The following ACOXL variants were observed in gnomAD, a reference collection of about 807,000 sequenced individuals.
ACOXL encodes the protein acyl-CoA oxidase like.
ACOXL carries 70 observed loss-of-function variants against 71.9 expected under a neutral mutation model. The observed-to-expected ratio is 0.97, with a 90% CI of 0.80 to 1.19. The LOEUF (loss-of-function observed/expected upper bound fraction) is 1.19, where lower values mean the gene tolerates loss of function less well. ACOXL is among the 50% of genes most tolerant of loss of function. ACOXL has a pLI of 0.00. For missense variants in ACOXL, 703 were observed against 736.3 expected (o/e 0.95, Z 0.52); for synonymous variants, 253 against 281.6 (o/e 0.90, Z 1.02).
At chr2:110,772,971 T>G (rs1272660040) in intron 2 of ACOXL, among the ~76,000 whole-genome samples, 2 of 152,192 alleles carry the variant, frequency 1.3e-5, no homozygotes, top group Non-Finnish European at 1.5e-5. Flanking sequence ...AAATTATGAC[T>G]ATTTTTCATA....
intron 5 of ACOXL, among the ~76,000 whole-genome samples, chr2:110,798,055 A>G (rs1466044124): frequency 6.6e-6 from 1 of 152,166 alleles, no homozygotes; most frequent in African/African-American, 2.4e-5. Flanking sequence ...TCTGGATCAG[A>G]TTATTCCTTG....
At chr2:110,826,378 T>G (rs551011099) in intron 9 of ACOXL, among the ~76,000 whole-genome samples, 3 of 152,224 alleles carry the variant, frequency 2.0e-5, no homozygotes, top group Non-Finnish European at 2.9e-5. Flanking sequence ...TTAGGCAAGA[T>G]AGCATGTTCT....
At chr2:110,803,020 C>T (rs1024388416) in intron 8 of ACOXL, among the ~76,000 whole-genome samples, 6 of 151,842 alleles carry the variant, frequency 4.0e-5, no homozygotes, top group Non-Finnish European at 8.8e-5. Flanking sequence ...TGTCAATTAA[C>T]AAAATAAAGC....
chr2:110,792,845 T>C (rs2105254948), intron 3 of ACOXL, among the ~76,000 whole-genome samples: 1 of 152,218 alleles, frequency 6.6e-6, no homozygotes, highest in South Asian at 2.1e-4. Flanking sequence ...AAGCAAAGGC[T>C]TGGTGGTTGA....
intron 3 of ACOXL, among the ~76,000 whole-genome samples, chr2:110,790,712 A>C (rs1376083226): frequency 2.1e-4 from 32 of 152,100 alleles, no homozygotes; most frequent in Admixed American, 2.0e-3. Flanking sequence ...GGAGAACCAC[A>C]GTGTCCTCTC....
intron 1 of ACOXL, among the ~76,000 whole-genome samples, chr2:110,736,332 A>G (rs1422320093): frequency 6.6e-6 from 1 of 152,150 alleles, no homozygotes; most frequent in African/African-American, 2.4e-5. Flanking sequence ...CAGCTCCAAA[A>G]CATTTCATCA....
At chr2:111,041,253 C>G (rs2065766638) in intron 15 of ACOXL, among the ~76,000 whole-genome samples, 1 of 152,110 alleles carries the variant, frequency 6.6e-6, no homozygotes, top group Non-Finnish European at 1.5e-5. Flanking sequence ...AGGTCCTGAG[C>G]CTGAGCACTA....
chr2:110,838,892 G>C (rs1014362318), intron 9 of ACOXL, among the ~76,000 whole-genome samples: 6 of 152,338 alleles, frequency 3.9e-5, no homozygotes, highest in Admixed American at 3.3e-4. Context: ...TTCATGCAGA[G>C]GCCTGCCAGG....
chr2:110,921,089 G>A (rs72944231), intron 11 of ACOXL, among the ~76,000 whole-genome samples: 6,218 of 152,022 alleles, frequency 0.041, 225 homozygotes, highest in African/African-American at 0.083. Flanking sequence ...AATTTATGGC[G>A]ATAGTGTTGG....
At chr2:110,911,415 TA>T (rs1417243022) in intron 11 of ACOXL, among the ~76,000 whole-genome samples, 2 of 151,966 alleles carry the variant, frequency 1.3e-5, no homozygotes, top group Non-Finnish European at 2.9e-5. Flanking sequence ...GCAAAGACAT[TA>T]GAAGAAAACT....
intron 12 of ACOXL, among the ~76,000 whole-genome samples, chr2:110,954,842 A>G (rs763750697): frequency 2.6e-5 from 4 of 152,138 alleles, no homozygotes; most frequent in Non-Finnish European, 4.4e-5. Flanking sequence ...TTTTGTCTGA[A>G]TCTGTCTGTT....
chr2:110,864,751 T>G (rs1233195947), intron 10 of ACOXL, among the ~76,000 whole-genome samples: 1 of 152,242 alleles, frequency 6.6e-6, no homozygotes, highest in African/African-American at 2.4e-5. Flanking sequence ...TTTCACTAAC[T>G]GTAATACAGT....
chr2:110,785,513 T>C (rs2105178814), intron 3 of ACOXL, among the ~76,000 whole-genome samples: 2 of 152,018 alleles, frequency 1.3e-5, no homozygotes, highest in South Asian at 4.2e-4. Context: ...GAAGTTTCAT[T>C]TGGCCTCCAT....
chr2:110,941,303 T>C (rs1049568764), intron 12 of ACOXL, among the ~76,000 whole-genome samples: 4 of 152,192 alleles, frequency 2.6e-5, no homozygotes, highest in Non-Finnish European at 2.9e-5. Flanking sequence ...CTGATCAAGA[T>C]GCAGCAACAG....
intron 10 of ACOXL, among the ~76,000 whole-genome samples, chr2:110,889,847 T>C (rs1175868652): frequency 6.6e-6 from 1 of 152,218 alleles, no homozygotes; most frequent in African/African-American, 2.4e-5. Context: ...AATTGCTATG[T>C]CAAATGGTAA....
chr2:110,897,982 T>C (rs1189343561), intron 10 of ACOXL, among the ~76,000 whole-genome samples: 3 of 151,996 alleles, frequency 2.0e-5, no homozygotes, highest in Non-Finnish European at 2.9e-5. Context: ...AAACATAAAA[T>C]TGAAAACTTA....
chr2:111,094,698 C>T (rs901885795), intron 17 of ACOXL, among the ~76,000 whole-genome samples: 7 of 152,162 alleles, frequency 4.6e-5, no homozygotes, highest in Non-Finnish European at 1.0e-4. Context: ...AACACATAAA[C>T]TTTGGGGGAT....
intron 10 of ACOXL, among the ~76,000 whole-genome samples, chr2:110,903,864 T>C (rs1223618309): frequency 6.6e-6 from 1 of 152,216 alleles, no homozygotes; most frequent in Non-Finnish European, 1.5e-5. Context: ...GACCACAGCA[T>C]GGCAGGGCAG....
At chr2:111,030,613 G>C (rs1023985959) in intron 14 of ACOXL, among the ~76,000 whole-genome samples, 1 of 152,072 alleles carries the variant, frequency 6.6e-6, no homozygotes, top group African/African-American at 2.4e-5. Flanking sequence ...AGAAACCGCA[G>C]AGCTGCAGGG....
Sources: gnomAD v4.1 joint callset for allele counts (sites outside exome capture counted in the v4.1 genomes callset) on GRCh38, gnomAD v4.1.1 for gene constraint, MANE v1.5 for transcripts, NCBI Gene and HGNC (gene_info 2026-07-23, HGNC 2026-07-21) for gene names.